The following TICAM2 variants were observed in gnomAD, a reference collection of about 807,000 sequenced individuals.
The protein encoded by TICAM2 is TIR domain-containing adapter molecule 2.
Under a neutral mutation model 7.3 loss-of-function variants are expected in TICAM2, and 8 were observed. The observed-to-expected ratio is 1.10, with a 90% CI of 0.65 to 1.99. TICAM2 has a LOEUF of 1.99. Ranked by LOEUF, TICAM2 falls within the 30% of genes most tolerant of loss-of-function variation. The probability of loss-of-function intolerance (pLI) is 0.00; values close to 1 mark genes in which losing one functional copy is unlikely to be tolerated. For synonymous variants in TICAM2, 113 were observed against 99.6 expected (o/e 1.13, Z -0.80); for missense variants, 304 against 278.8 (o/e 1.09, Z -0.65).
At chr5:115,593,269 T>C (rs568291641) in intron 1 of TICAM2, among the ~76,000 whole-genome samples, 4 of 152,204 alleles carry the variant, frequency 2.6e-5, no homozygotes, top group Admixed American at 6.5e-5. Context: ...GAGTCTTCTA[T>C]CATCCAAAAA....
At chr5:115,581,429 C>T in intron 1 of TICAM2, 114 bp from the exon 2 acceptor site, 1 of 1,203,916 alleles carries the variant, frequency 8.3e-7, no homozygotes, top group South Asian at 1.6e-5. Context: ...GATCCAAATA[C>T]ATAAACGACA....
At chr5:115,593,578 G>C (rs1246189557) in intron 1 of TICAM2, among the ~76,000 whole-genome samples, 1 of 152,122 alleles carries the variant, frequency 6.6e-6, no homozygotes, top group African/African-American at 2.4e-5. Flanking sequence ...ATTCAATATA[G>C]TAAAGATGTC....
Position 115,578,733 on chromosome 5 carries a change from G to T in TICAM2, c.*1816C>A, listed in dbSNP as rs1205070186. The T allele has an allele frequency of 1.3e-5, 2 of 152,046 alleles. No homozygotes were observed. Among genetic ancestry groups the T allele is most frequent in the African/African-American group, 4.8e-5 (2 of 41,380 alleles). The allele number at this position is 152,046 out of a possible 1,614,324, so 9.4% of individuals were successfully genotyped here. On this transcript the variant is annotated 3_prime_UTR_variant, in exon 2 of 2. Coordinates refer to ENST00000427199, the MANE Select transcript of TICAM2 (RefSeq NM_021649.7). ...CAGGCATGAAGAGTGGGCAGTTCAT[G>T]TTTTATTAGTATATAAAATTGGCTT...
intron 1 of TICAM2, among the ~76,000 whole-genome samples, chr5:115,599,325 C>G (rs949161321): frequency 6.6e-6 from 1 of 152,064 alleles, no homozygotes; most frequent in Admixed American, 6.5e-5. Flanking sequence ...AATATTATTA[C>G]ATATTCTTTT....
intron 1 of TICAM2, among the ~76,000 whole-genome samples, chr5:115,582,987 T>C (rs994986158): frequency 6.6e-6 from 1 of 152,220 alleles, no homozygotes; most frequent in African/African-American, 2.4e-5. Context: ...GTCTGTACTT[T>C]AGGTTCTCGC....
chr5:115,601,128 T>G (rs1351336399), intron 1 of TICAM2, among the ~76,000 whole-genome samples: 1 of 151,078 alleles, frequency 6.6e-6, no homozygotes, highest in Non-Finnish European at 1.5e-5. Context: ...CTTAACTCCA[T>G]TTATAACCAT....
At chr5:115,586,834 G>C (rs921023508) in intron 1 of TICAM2, among the ~76,000 whole-genome samples, 3 of 152,166 alleles carry the variant, frequency 2.0e-5, no homozygotes, top group Admixed American at 1.3e-4. Context: ...AAACATGCTA[G>C]GTTTTAGAGA....
In TICAM2 at chr5:115,593,771, C is replaced by T. The variant is rs191075193; in HGVS notation, c.-60+8326G>A. Among the ~76,000 whole-genome samples the T allele has an allele frequency of 9.7e-4, 147 of 152,202 alleles. 1 individual carries two copies. The highest frequency in any genetic ancestry group is 3.3e-3 in the South Asian group (16 of 4,818). On this transcript the variant is annotated intron_variant, in intron 1 of 1. Coordinates refer to ENST00000427199, the MANE Select transcript of TICAM2 (RefSeq NM_021649.7). ...TTGTTCTATTGGGCATCAACACTTACTATAAAGTTACAACAGTGAAGACAA... is the reference window on the plus strand; with the variant it reads ...TTGTTCTATTGGGCATCAACACTTATTATAAAGTTACAACAGTGAAGACAA...
intron 1 of TICAM2, among the ~76,000 whole-genome samples, chr5:115,595,132 A>G (rs1174462771): frequency 6.6e-6 from 1 of 152,158 alleles, no homozygotes; most frequent in African/African-American, 2.4e-5. Context: ...TACTGGGTCA[A>G]GCGAATAGTA....
chr5:115,600,078 G>A (rs1755664359), intron 1 of TICAM2, among the ~76,000 whole-genome samples: 1 of 152,142 alleles, frequency 6.6e-6, no homozygotes, highest in African/African-American at 2.4e-5. Context: ...AGAGTCAACA[G>A]ATTTTGTTGG....
chr5:115,585,210 A>C (rs1755059163), intron 1 of TICAM2, among the ~76,000 whole-genome samples: 1 of 152,234 alleles, frequency 6.6e-6, no homozygotes, highest in Non-Finnish European at 1.5e-5. Flanking sequence ...TGCTGGGCAC[A>C]TAGTAAGTAC....
At chr5:115,599,125 T>C (rs1350948016) in intron 1 of TICAM2, among the ~76,000 whole-genome samples, 1 of 151,966 alleles carries the variant, frequency 6.6e-6, no homozygotes, top group African/African-American at 2.4e-5. Context: ...AACTCTGACA[T>C]TGGCTTAGTC....
At chr5:115,588,430 T>A (rs1755189966) in intron 1 of TICAM2, among the ~76,000 whole-genome samples, 3 of 152,082 alleles carry the variant, frequency 2.0e-5, no homozygotes, top group African/African-American at 7.2e-5. Context: ...AGAAGGTGAG[T>A]CCACTTTTGT....
chr5:115,583,465 CAA>C (rs1256315473), intron 1 of TICAM2, among the ~76,000 whole-genome samples: 1 of 152,142 alleles, frequency 6.6e-6, no homozygotes, highest in Non-Finnish European at 1.5e-5. Context: ...CAAAAAAGAG[CAA>C]AAGACTTCAG....
Position 115,580,556 on chromosome 5 carries a change from A to T in TICAM2, c.701T>A (p.Ile234Asn). ...CATGTTATATGTTTCATCTCAGGCAATAAATTGTCTTTGTACCATATTTCT... is the reference window on the plus strand; with the variant it reads ...CATGTTATATGTTTCATCTCAGGCATTAAATTGTCTTTGTACCATATTTCT... ...ETRNMVQRQFIA is the reference protein window; with the variant it reads ...ETRNMVQRQFNA The change falls in exon 2 of 2, where the codon ATT becomes AAT. Residue 234 changes from isoleucine (I) to asparagine (N), a missense_variant. Transcript: ENST00000427199. 1 of 1,590,772 alleles carries T rather than the reference A, an allele frequency of 6.3e-7. No individual in the cohort carries two copies. Among genetic ancestry groups the T allele is most frequent in the Non-Finnish European group, 8.5e-7 (1 of 1,172,304 alleles).
intron 1 of TICAM2, among the ~76,000 whole-genome samples, chr5:115,584,254 T>C (rs1415394778): frequency 6.6e-6 from 1 of 152,234 alleles, no homozygotes; most frequent in East Asian, 1.9e-4. Flanking sequence ...AGTATCATTA[T>C]TCATATGTAT....
chr5:115,593,352 A>C (rs1374052888), intron 1 of TICAM2, among the ~76,000 whole-genome samples: 1 of 152,186 alleles, frequency 6.6e-6, no homozygotes. Flanking sequence ...GATCAACATA[A>C]ACAATTCAAC....
intron 1 of TICAM2, among the ~76,000 whole-genome samples, chr5:115,586,842 A>AGAT (rs1252893811): frequency 6.6e-6 from 1 of 152,194 alleles, no homozygotes; most frequent in Non-Finnish European, 1.5e-5. Flanking sequence ...TAGGTTTTAG[A>AGAT]GATGTGAAGC....
chr5:115,594,088 C>T (rs1002838229), intron 1 of TICAM2, among the ~76,000 whole-genome samples: 1 of 152,144 alleles, frequency 6.6e-6, no homozygotes, highest in African/African-American at 2.4e-5. Flanking sequence ...TTCTCTTCTG[C>T]CAGGATGTCC....
Sources: gnomAD v4.1 joint callset for allele counts (sites outside exome capture counted in the v4.1 genomes callset) on GRCh38, gnomAD v4.1.1 for gene constraint, MANE v1.5 for transcripts, NCBI Gene and HGNC (gene_info 2026-07-23, HGNC 2026-07-21) for gene names.